UBE2R2: variants seen among roughly 807,000 people sequenced by gnomAD.
UBE2R2 encodes ubiquitin conjugating enzyme E2 R2.
UBE2R2 carries 1 observed loss-of-function variant against 27.8 expected under a neutral mutation model. That is an observed-to-expected ratio of 0.04 (90% CI 0.01 to 0.17). The LOEUF (loss-of-function observed/expected upper bound fraction) is 0.17, where lower values mean the gene tolerates loss of function less well. Ranked by LOEUF, UBE2R2 falls within the 10% of genes least tolerant of loss-of-function variation. UBE2R2 has a pLI of 1.00. For synonymous variants in UBE2R2, 106 were observed against 113.3 expected (o/e 0.94, Z 0.41); for missense variants, 100 against 291.0 (o/e 0.34, Z 4.78).
chr9:33,844,867 A>G (rs759077097), intron 1 of UBE2R2, among the ~76,000 whole-genome samples: 15 of 148,810 alleles, frequency 1.0e-4, no homozygotes, highest in Non-Finnish European at 1.6e-4. Context: ...CCCGGGTTCA[A>G]GCGATTCTCT....
chr9:33,842,447 A>G (rs573749963), intron 1 of UBE2R2, among the ~76,000 whole-genome samples: 2 of 152,172 alleles, frequency 1.3e-5, no homozygotes, highest in South Asian at 2.1e-4. Flanking sequence ...AATAAAAATA[A>G]TTGAAATTTT....
At chr9:33,876,653 C>T (rs906843999) in intron 1 of UBE2R2, among the ~76,000 whole-genome samples, 4 of 152,160 alleles carry the variant, frequency 2.6e-5, no homozygotes, top group Non-Finnish European at 4.4e-5. Context: ...CGGTGGCTCA[C>T]GCCTGTAATC....
At chr9:33,896,505 C>T (rs1179350139) in intron 2 of UBE2R2, among the ~76,000 whole-genome samples, 2 of 151,562 alleles carry the variant, frequency 1.3e-5, no homozygotes, top group African/African-American at 2.4e-5. Context: ...TGCAGTAATA[C>T]GATCTCGGCT....
chr9:33,840,651 T>C (rs72725374), intron 1 of UBE2R2, among the ~76,000 whole-genome samples: 11,981 of 152,184 alleles, frequency 0.079, 678 homozygotes, highest in Non-Finnish European at 0.12. Flanking sequence ...TTTTAAATCA[T>C]GTCCGCAGTT....
chr9:33,834,935 G>T (rs559495722), intron 1 of UBE2R2, among the ~76,000 whole-genome samples: 112 of 150,916 alleles, frequency 7.4e-4, no homozygotes, highest in African/African-American at 2.6e-3. Flanking sequence ...CAAAAGAAAA[G>T]AAAAGAAAAG....
intron 1 of UBE2R2, among the ~76,000 whole-genome samples, chr9:33,878,259 G>A (rs915026733): frequency 6.6e-6 from 1 of 152,178 alleles, no homozygotes; most frequent in African/African-American, 2.4e-5. Flanking sequence ...AACGATGGCT[G>A]TTTGGACCAG....
At chr9:33,879,011 G>C (rs1821674781) in intron 1 of UBE2R2, among the ~76,000 whole-genome samples, 1 of 152,200 alleles carries the variant, frequency 6.6e-6, no homozygotes, top group Non-Finnish European at 1.5e-5. Context: ...GGAGGCCAAA[G>C]CGGGAGGATT....
intron 1 of UBE2R2, among the ~76,000 whole-genome samples, chr9:33,848,435 CT>C (rs1820892291): frequency 6.6e-6 from 1 of 151,956 alleles, no homozygotes; most frequent in Non-Finnish European, 1.5e-5. Flanking sequence ...TCCCTCTTTC[CT>C]TTGCTAGGTA....
At chr9:33,897,741 T>C (rs898634536) in intron 2 of UBE2R2, among the ~76,000 whole-genome samples, 1 of 151,762 alleles carries the variant, frequency 6.6e-6, no homozygotes, top group African/African-American at 2.4e-5. Context: ...ACGCATTCAC[T>C]GCCCAAATAT....
At chr9:33,880,856 C>G (rs1821717905) in intron 1 of UBE2R2, among the ~76,000 whole-genome samples, 1 of 152,104 alleles carries the variant, frequency 6.6e-6, no homozygotes, top group African/African-American at 2.4e-5. Context: ...TGACTAATGC[C>G]TGATGACTTG....
upstream of UBE2R2, among the ~76,000 whole-genome samples, chr9:33,815,504 G>C (rs979179457): frequency 1.3e-5 from 2 of 152,220 alleles, no homozygotes; most frequent in Non-Finnish European, 2.9e-5. Context: ...CAGCACTTTG[G>C]GAGGCTGAGG....
intron 1 of UBE2R2, among the ~76,000 whole-genome samples, chr9:33,822,429 T>C (rs1198052557): frequency 6.8e-6 from 1 of 146,318 alleles, no homozygotes; most frequent in African/African-American, 2.5e-5. Flanking sequence ...TCAAAACCTT[T>C]TTTTTTTTTT....
intron 4 of UBE2R2, among the ~76,000 whole-genome samples, chr9:33,914,635 T>A (rs1312558831): frequency 6.6e-6 from 1 of 152,070 alleles, no homozygotes; most frequent in African/African-American, 2.4e-5. Context: ...GAGACCAACC[T>A]GGCCAACATG....
At chr9:33,885,910 C>T (rs984828846) in intron 1 of UBE2R2, among the ~76,000 whole-genome samples, 1 of 152,058 alleles carries the variant, frequency 6.6e-6, no homozygotes, top group Non-Finnish European at 1.5e-5. Context: ...GGATTTGTAA[C>T]AGCAAAGGTG....
chr9:33,842,250 A>T (rs1314518212), intron 1 of UBE2R2, among the ~76,000 whole-genome samples: 2 of 152,104 alleles, frequency 1.3e-5, no homozygotes, highest in Non-Finnish European at 2.9e-5. Flanking sequence ...AATAAAAAAA[A>T]ATTAGCTGGG....
chr9:33,875,762 C>T (rs1423030751), intron 1 of UBE2R2, among the ~76,000 whole-genome samples: 1 of 152,068 alleles, frequency 6.6e-6, no homozygotes, highest in African/African-American at 2.4e-5. Context: ...TTGTGCCTGA[C>T]AAATAAAAGA....
At chr9:33,835,851 C>G (rs149067402) in intron 1 of UBE2R2, among the ~76,000 whole-genome samples, 1 of 152,270 alleles carries the variant, frequency 6.6e-6, no homozygotes, top group Non-Finnish European at 1.5e-5. Flanking sequence ...CTACTGCACT[C>G]CAGCCTGGGC....
chr9:33,844,085 G>T (rs1224331392), intron 1 of UBE2R2, among the ~76,000 whole-genome samples: 1 of 152,182 alleles, frequency 6.6e-6, no homozygotes, highest in Non-Finnish European at 1.5e-5. Flanking sequence ...ACTGCCATCA[G>T]TACCTGCTGA....
intron 3 of UBE2R2, among the ~76,000 whole-genome samples, chr9:33,900,754 A>G (rs1564004489): frequency 6.6e-6 from 1 of 152,134 alleles, no homozygotes; most frequent in Non-Finnish European, 1.5e-5. Context: ...TTTTTTGTAG[A>G]GATGGGGTCT....
Sources: gnomAD v4.1 joint callset for allele counts (sites outside exome capture counted in the v4.1 genomes callset) on GRCh38, gnomAD v4.1.1 for gene constraint, MANE v1.5 for transcripts, NCBI Gene and HGNC (gene_info 2026-07-23, HGNC 2026-07-21) for gene names.